The following PTPN3 variants were observed in gnomAD, a reference collection of about 807,000 sequenced individuals.
PTPN3 encodes tyrosine-protein phosphatase non-receptor type 3.
Under a neutral mutation model 132.7 loss-of-function variants are expected in PTPN3, and 96 were observed. The observed-to-expected ratio is 0.72, with a 90% CI of 0.61 to 0.86. The LOEUF is 0.86. Ranked by LOEUF, PTPN3 falls within the 40% of genes least tolerant of loss-of-function variation. PTPN3 has a pLI of 0.00. For missense variants in PTPN3, 1,125 were observed against 1,159.6 expected, an observed-to-expected ratio of 0.97 and a Z score of 0.43; for synonymous variants, 398 against 429.0, an observed-to-expected ratio of 0.93 and a Z score of 0.89.
At chr9:109,442,068 G>A (rs1037073534) in intron 7 of PTPN3, among the ~76,000 whole-genome samples, 1 of 151,238 alleles carries the variant, frequency 6.6e-6, no homozygotes, top group Non-Finnish European at 1.5e-5. Context: ...TTTTTTTTGA[G>A]ACAGAGTCTC....
intron 1 of PTPN3, among the ~76,000 whole-genome samples, chr9:109,479,736 C>A (rs780396669): frequency 6.6e-6 from 1 of 152,204 alleles, no homozygotes; most frequent in South Asian, 2.1e-4. Context: ...TGTGCCACCA[C>A]GCCCAGCTAA....
At chr9:109,475,400 G>A (rs1279910851) in intron 1 of PTPN3, among the ~76,000 whole-genome samples, 3 of 152,144 alleles carry the variant, frequency 2.0e-5, no homozygotes, top group Non-Finnish European at 2.9e-5. Flanking sequence ...CCATCAAACC[G>A]TGAAATAGGA....
At chr9:109,485,679 TCTC>T (rs1290919614) in intron 1 of PTPN3, among the ~76,000 whole-genome samples, 4 of 152,216 alleles carry the variant, frequency 2.6e-5, no homozygotes, top group Admixed American at 6.5e-5. Context: ...TCCACACTCA[TCTC>T]CTCCTACGGA....
At chr9:109,510,568 AAAAAAAAAATATATATAT>A in the PTPN3 span, among the ~76,000 whole-genome samples, 100 of 36,134 alleles carry the variant, frequency 2.8e-3, 6 homozygotes, top group African/African-American at 7.3e-3. Context: ...TAAAAAAAAA[AAAAAAAAAATATATATAT>A]ATATATATAT....
the PTPN3 span, among the ~76,000 whole-genome samples, chr9:109,526,785 T>C: frequency 2.0e-5 from 3 of 152,162 alleles, no homozygotes; most frequent in South Asian, 6.2e-4. Flanking sequence ...TATAAAGCTA[T>C]AGCAATTAAG....
chr9:109,380,942 C>CCGCT (rs1173889652), intron 25 of PTPN3, among the ~76,000 whole-genome samples: 2 of 152,120 alleles, frequency 1.3e-5, no homozygotes, highest in Admixed American at 6.5e-5. Context: ...ACTTCCCTCA[C>CCGCT]CGCTGCTGAC....
At chr9:109,458,865 AC>A (rs1845690461) in intron 2 of PTPN3, among the ~76,000 whole-genome samples, 1 of 152,392 alleles carries the variant, frequency 6.6e-6, no homozygotes, top group African/African-American at 2.4e-5. Flanking sequence ...ATTATTAACT[AC>A]AATTTACTGA....
intron 22 of PTPN3, among the ~76,000 whole-genome samples, chr9:109,388,973 C>G (rs532287349): frequency 3.9e-5 from 6 of 152,322 alleles, no homozygotes; most frequent in African/African-American, 9.6e-5. Context: ...CACGTCACTG[C>G]AGGGGTGTTG....
chr9:109,535,370 A>G, the PTPN3 span, among the ~76,000 whole-genome samples: 1 of 152,200 alleles, frequency 6.6e-6, no homozygotes, highest in Non-Finnish European at 1.5e-5. Flanking sequence ...GACCTGATCC[A>G]GTTATGTTCC....
At chr9:109,434,590 G>A (rs192218448) in intron 9 of PTPN3, among the ~76,000 whole-genome samples, 1 of 152,360 alleles carries the variant, frequency 6.6e-6, no homozygotes, top group East Asian at 1.9e-4. Flanking sequence ...TTAAAGGCGT[G>A]AGCCACTATG....
chr9:109,478,686 T>G (rs1846809588), intron 1 of PTPN3, among the ~76,000 whole-genome samples: 1 of 152,200 alleles, frequency 6.6e-6, no homozygotes, highest in South Asian at 2.1e-4. Flanking sequence ...ATCGCCAAGT[T>G]AACTGTGTTC....
At chr9:109,515,960 A>T in the PTPN3 span, among the ~76,000 whole-genome samples, 1 of 152,176 alleles carries the variant, frequency 6.6e-6, no homozygotes, top group Admixed American at 6.5e-5. Context: ...AATGAAGACA[A>T]TGTCTGCCCT....
chr9:109,381,582 T>A, intron 25 of PTPN3, 70 bp downstream of exon 25: 1 of 1,576,272 alleles, frequency 6.3e-7, no homozygotes, highest in Non-Finnish European at 8.7e-7. Flanking sequence ...CACAAAGCCC[T>A]TCTCTCAGGC....
At chr9:109,446,245 G>C (rs1844848311) in intron 6 of PTPN3, among the ~76,000 whole-genome samples, 1 of 152,162 alleles carries the variant, frequency 6.6e-6, no homozygotes, top group Admixed American at 6.5e-5. Context: ...ATTCTTCCCA[G>C]CACCCCAGTG....
At chr9:109,491,654 C>T (rs1588510390) in intron 1 of PTPN3, among the ~76,000 whole-genome samples, 1 of 152,092 alleles carries the variant, frequency 6.6e-6, no homozygotes, top group African/African-American at 2.4e-5. Context: ...AGGAAAAGTG[C>T]TATAATGGAG....
intron 14 of PTPN3, among the ~76,000 whole-genome samples, chr9:109,415,036 G>GTCTGTCCGTCCGTCCGTCCGTCCA (rs1564413363): frequency 2.7e-5 from 4 of 145,696 alleles, no homozygotes; most frequent in Non-Finnish European, 6.0e-5. Context: ...CCGTCTGTCC[G>GTCTGTCCGTCCGTCCGTCCGTCCA]TCCGTCCGTC....
chr9:109,490,960 G>A (rs1847434857), intron 1 of PTPN3, among the ~76,000 whole-genome samples: 1 of 151,762 alleles, frequency 6.6e-6, no homozygotes, highest in Non-Finnish European at 1.5e-5. Flanking sequence ...TACTTTGGGA[G>A]GCTGAGACAG....
intron 7 of PTPN3, among the ~76,000 whole-genome samples, chr9:109,439,002 C>T (rs1356888682): frequency 1.3e-5 from 2 of 152,178 alleles, no homozygotes; most frequent in African/African-American, 4.8e-5. Flanking sequence ...AGCCCCTGGG[C>T]AAAATGGTAC....
intron 7 of PTPN3, among the ~76,000 whole-genome samples, chr9:109,440,293 C>T (rs1844358922): frequency 6.6e-6 from 1 of 152,248 alleles, no homozygotes; most frequent in Admixed American, 6.5e-5. Context: ...AATGTCAAGG[C>T]TATGTGGCTG....
Sources: allele counts gnomAD v4.1 joint callset (sites outside exome capture counted in the v4.1 genomes callset), GRCh38; gene constraint gnomAD v4.1.1; transcripts MANE v1.5; gene names NCBI Gene and HGNC (gene_info 2026-07-23, HGNC 2026-07-21).